KAZN: variants seen among roughly 807,000 people sequenced by gnomAD.
KAZN encodes the protein kazrin, periplakin interacting protein.
Under a neutral mutation model 87.4 loss-of-function variants are expected in KAZN, and 40 were observed. The observed-to-expected ratio is 0.46, with a 90% CI of 0.36 to 0.60. The LOEUF is 0.60. KAZN is among the 20% of genes least tolerant of loss of function. KAZN has a pLI of 0.00. For synonymous variants in KAZN, 466 were observed against 458.3 expected (o/e 1.02, Z -0.22); for missense variants, 898 against 1,073.9 (o/e 0.84, Z 2.29).
At chr1:15,073,011 G>A (rs1027575443) in intron 8 of KAZN, among the ~76,000 whole-genome samples, 20 of 152,298 alleles carry the variant, frequency 1.3e-4, no homozygotes, top group East Asian at 3.9e-4. Flanking sequence ...ATGGAACCCC[G>A]AAGGGGTTCC....
At chr1:14,076,994 C>T (rs899041104) in intron 1 of KAZN, among the ~76,000 whole-genome samples, 3 of 152,140 alleles carry the variant, frequency 2.0e-5, no homozygotes, top group Admixed American at 6.5e-5. Flanking sequence ...GATTCATACA[C>T]GTCTAGGACT....
intron 1 of KAZN, among the ~76,000 whole-genome samples, chr1:13,953,362 GGA>G (rs1641425556): frequency 6.6e-6 from 1 of 152,168 alleles, no homozygotes; most frequent in Non-Finnish European, 1.5e-5. Context: ...CCTGACTACG[GGA>G]GAGAGGCTTT....
chr1:14,417,985 G>A (rs545821040), intron 2 of KAZN, among the ~76,000 whole-genome samples: 2,184 of 92,204 alleles, frequency 0.024, 38 homozygotes, highest in Middle Eastern at 0.057. Context: ...GACAGAGTGA[G>A]ACTGCCTCAA....
intron 4 of KAZN, among the ~76,000 whole-genome samples, chr1:15,053,002 A>G (rs1256144797): frequency 1.3e-5 from 2 of 152,146 alleles, no homozygotes; most frequent in African/African-American, 2.4e-5. Context: ...TGCCTGTTTC[A>G]GGGGCTGGCT....
At chr1:14,189,275 A>G (rs1646375670) in intron 2 of KAZN, among the ~76,000 whole-genome samples, 1 of 152,176 alleles carries the variant, frequency 6.6e-6, no homozygotes, top group African/African-American at 2.4e-5. Context: ...ACTTGCTTTC[A>G]GAATGGATGT....
intron 2 of KAZN, among the ~76,000 whole-genome samples, chr1:14,308,663 T>TGG (rs1655090348): frequency 6.6e-6 from 1 of 152,184 alleles, no homozygotes; most frequent in African/African-American, 2.4e-5. Context: ...ACCCAACCTC[T>TGG]CTGTGCCTGT....
intron 1 of KAZN, among the ~76,000 whole-genome samples, chr1:14,943,132 G>A (rs1303580546): frequency 1.3e-5 from 2 of 150,484 alleles, no homozygotes; most frequent in South Asian, 2.1e-4. Flanking sequence ...CCTTAGAGGC[G>A]GCATGCAGAG....
intron 1 of KAZN, among the ~76,000 whole-genome samples, chr1:14,888,279 C>A (rs1421024402): frequency 6.6e-6 from 1 of 152,202 alleles, no homozygotes; most frequent in Non-Finnish European, 1.5e-5. Context: ...ACATTCTCCC[C>A]TCACCTGCTT....
At chr1:14,573,813 A>G (rs1343748462) in intron 2 of KAZN, among the ~76,000 whole-genome samples, 1 of 152,070 alleles carries the variant, frequency 6.6e-6, no homozygotes, top group Non-Finnish European at 1.5e-5. Flanking sequence ...TAAGATTGTC[A>G]CTTTTGAGGA....
In KAZN at chr1:14,462,859, A is replaced by G. The variant is rs1481369666; in HGVS notation, c.250-136124A>G. Among the ~76,000 whole-genome samples, 7 of 152,258 alleles carry G rather than the reference A, an allele frequency of 4.6e-5. No homozygotes were observed. In the East Asian group the frequency reaches 1.4e-3, roughly 29 times the overall value. The stretch of plus-strand genomic sequence containing the variant: ...CCTCCTGCAGGCTCCCTCCCATGAC[A>G]CGTGGAAATTGTGGGAGCTATAATT... On this transcript the variant is annotated intron_variant, in intron 2 of 16. Coordinates refer to the KAZN transcript ENST00000636203.
At chr1:14,435,986 C>G (rs1182136103) in intron 2 of KAZN, among the ~76,000 whole-genome samples, 1 of 152,144 alleles carries the variant, frequency 6.6e-6, no homozygotes, top group African/African-American at 2.4e-5. Context: ...GAGTCAAATA[C>G]TGTCACAATG....
intron 2 of KAZN, among the ~76,000 whole-genome samples, chr1:14,394,641 A>G (rs754426882): frequency 1.3e-5 from 2 of 152,208 alleles, no homozygotes; most frequent in Non-Finnish European, 2.9e-5. Context: ...GCTCCTTTAC[A>G]ATCTTAACAC....
chr1:14,997,211 T>C (rs558632612), intron 2 of KAZN, among the ~76,000 whole-genome samples: 1 of 76,870 alleles, frequency 1.3e-5, no homozygotes. Context: ...TTTCATTTAT[T>C]TATTTATTTA....
In KAZN at chr1:15,024,361, G is replaced by A. The variant is rs1217606653; in HGVS notation, c.419-10388G>A. On this transcript the variant is annotated intron_variant, in intron 2 of 14. Transcript: ENST00000376030. The stretch of plus-strand genomic sequence containing the variant: ...AAAAGCCAGAGCCGGTCCCAGAGAG[G>A]ATGGTGGGAAGGAAATGGAGACGGT... Among the ~76,000 whole-genome samples, 23 of 152,242 alleles carry A rather than the reference G, an allele frequency of 1.5e-4. 1 individual carries two copies. Among genetic ancestry groups the A allele is most frequent in the Admixed American group, 1.5e-3 (23 of 15,290 alleles).
intron 2 of KAZN, among the ~76,000 whole-genome samples, chr1:14,582,570 C>T (rs1675621044): frequency 6.6e-6 from 1 of 152,122 alleles, no homozygotes; most frequent in Non-Finnish European, 1.5e-5. Context: ...AACACTTGTT[C>T]CCAAATCTGG....
chr1:14,749,704 A>C (rs745574801), intron 1 of KAZN, among the ~76,000 whole-genome samples: 1 of 152,110 alleles, frequency 6.6e-6, no homozygotes, highest in Admixed American at 6.5e-5. Context: ...TCACACAGGC[A>C]CCAGGCCTCC....
At chr1:13,980,561 T>C (rs1638610906) in intron 1 of KAZN, among the ~76,000 whole-genome samples, 1 of 152,220 alleles carries the variant, frequency 6.6e-6, no homozygotes, top group East Asian at 1.9e-4. Context: ...GTCTTTTCAG[T>C]AGGAACATAT....
rs200004513 is a variant in KAZN, at chr1:14,949,291, C to CA, written c.227-11385dup. Among the ~76,000 whole-genome samples the CA allele has an allele frequency of 0.019, 2,873 of 151,344 alleles. 82 individuals carry two copies. Among genetic ancestry groups the CA allele is most frequent in the African/African-American group, 0.066 (2,723 of 41,130 alleles). On this transcript the variant is annotated intron_variant, in intron 1 of 14. Transcript: ENST00000376030. This position sits in a 1 kb window ranked among gnomAD's most constrained non-coding sequence, Gnocchi z 4.3. ...CAGTTAATAAATACTAACTTAAAAA[C>CA]AAAAAAAAGAAAAAGAAAATGTGCT...
chr1:14,845,145 T>C (rs1296907518), intron 1 of KAZN, among the ~76,000 whole-genome samples: 1 of 149,236 alleles, frequency 6.7e-6, no homozygotes, highest in Non-Finnish European at 1.5e-5. Context: ...GGATGATGAA[T>C]GGATGGATAG....
Sources: gnomAD v4.1 joint callset for allele counts (sites outside exome capture counted in the v4.1 genomes callset) on GRCh38, gnomAD v4.1.1 for gene constraint, Gnocchi (gnomAD v3.1) non-coding constraint, MANE v1.5 for transcripts, NCBI Gene and HGNC (gene_info 2026-07-23, HGNC 2026-07-21) for gene names.